The following SLC25A18 variants were observed in gnomAD, a reference collection of about 807,000 sequenced individuals.
SLC25A18 encodes the protein solute carrier family 25 member 18, also known as mitochondrial glutamate carrier 2.
Under a neutral mutation model 31.1 loss-of-function variants are expected in SLC25A18, and 24 were observed. The observed-to-expected ratio is 0.77, with a 90% CI of 0.56 to 1.08. The LOEUF is 1.08. Ranked by LOEUF, SLC25A18 falls within the 50% of genes least tolerant of loss-of-function variation. The pLI is 0.00. For missense variants in SLC25A18, 371 were observed against 418.5 expected (o/e 0.89, Z 0.99); for synonymous variants, 173 against 161.9 (o/e 1.07, Z -0.52).
intron 2 of SLC25A18, among the ~76,000 whole-genome samples, chr22:17,571,553 C>G (rs1430494230): frequency 6.6e-6 from 1 of 152,024 alleles, no homozygotes; most frequent in African/African-American, 2.4e-5. Flanking sequence ...GTGGGCAGAT[C>G]ACTTGAGGCT....
At chr22:17,567,217 G>A (rs555135465) in intron 1 of SLC25A18, among the ~76,000 whole-genome samples, 8 of 152,260 alleles carry the variant, frequency 5.3e-5, no homozygotes, top group South Asian at 2.1e-4. Flanking sequence ...TATGTGCCAG[G>A]CACTGTACTA....
intron 2 of SLC25A18, among the ~76,000 whole-genome samples, chr22:17,575,782 G>A (rs112315565): frequency 0.025 from 3,779 of 152,224 alleles, 139 homozygotes; most frequent in African/African-American, 0.083. Flanking sequence ...GCTATTTCCC[G>A]TGTATCAAAT....
At chr22:17,579,060 GTTTTT>G (rs1352377065) in intron 2 of SLC25A18, among the ~76,000 whole-genome samples, 2 of 122,998 alleles carry the variant, frequency 1.6e-5, no homozygotes, top group African/African-American at 6.1e-5. Flanking sequence ...TCTTAAGTGG[GTTTTT>G]TGTTTGTTTG....
chr22:17,577,402 C>T (rs1055631789), intron 2 of SLC25A18, among the ~76,000 whole-genome samples: 4 of 151,920 alleles, frequency 2.6e-5, no homozygotes, highest in Admixed American at 1.3e-4. Flanking sequence ...AGGTGATCCG[C>T]CCGCCTCAGC....
intron 1 of SLC25A18, among the ~76,000 whole-genome samples, chr22:17,564,590 G>A (rs1170616886): frequency 7.9e-5 from 12 of 152,208 alleles, no homozygotes; most frequent in East Asian, 1.9e-4. Context: ...GCTGGGGCGC[G>A]GTGGCTCACA....
At chr22:17,589,461 C>G (rs1403051920) in intron 9 of SLC25A18, 129 bp from the exon 10 acceptor site, 2 of 723,010 alleles carry the variant, frequency 2.8e-6, no homozygotes, top group Non-Finnish European at 4.7e-6. Flanking sequence ...CAGGCGTGAG[C>G]CACTGCGCCC....
At chr22:17,582,321 C>A (rs934040006) in intron 5 of SLC25A18, 21 of 305,228 alleles carry the variant, frequency 6.9e-5, no homozygotes, top group Admixed American at 1.9e-4. Flanking sequence ...GCTTTCAGTG[C>A]GCCGAGATCG....
chr22:17,586,893 G>A (rs1318725232), intron 7 of SLC25A18, among the ~76,000 whole-genome samples: 1 of 152,246 alleles, frequency 6.6e-6, no homozygotes, highest in Non-Finnish European at 1.5e-5. Context: ...GGGCCAGGCT[G>A]TGGCTGTGCT....
chr22:17,589,993 C>G (rs2057673261), intron 10 of SLC25A18, 102 bp from the exon 11 acceptor site: 2 of 1,484,976 alleles, frequency 1.3e-6, no homozygotes, highest in African/African-American at 1.4e-5. Flanking sequence ...TTGTGGAAGG[C>G]ACTATTCTAA....
At position 17,580,301 on chromosome 22, in the gene SLC25A18, C is replaced by T. The variant is rs1230330629; in HGVS notation, c.20+337C>T. 4 of 264,242 alleles carry T rather than the reference C, an allele frequency of 1.5e-5. No homozygotes were observed. In the South Asian group the frequency reaches 4.4e-4, roughly 29 times the overall value. 16.4% of individuals were successfully genotyped at this position (264,242 alleles called of 1,614,324 possible). A position where few individuals can be genotyped will look rare whatever the true frequency, so the allele number is the denominator to read the frequency against. On this transcript the variant is annotated intron_variant, in intron 3 of 10. Transcript: ENST00000327451. Reference sequence around the variant, plus strand: ...TTACCACTTCCAGGTAAATCCATCTCCAAATATTTTGTTCACAGTCTGCCT... The same window carrying T: ...TTACCACTTCCAGGTAAATCCATCTTCAAATATTTTGTTCACAGTCTGCCT...
At position 17,563,640 on chromosome 22, in the gene SLC25A18, A is replaced by C; in HGVS notation, c.-337A>C. 1.0e-6 allele frequency: 1 copy of C among 984,648 alleles called. No individual in the cohort carries two copies. Among genetic ancestry groups the C allele is most frequent in the Non-Finnish European group, 1.2e-6 (1 of 829,204 alleles). 61.0% of individuals were successfully genotyped at this position (984,648 alleles called of 1,614,324 possible). ...AAGGAACTGAGTAGGCAGTGAGAAG[A>C]GTCGAGTGAAGCCTGGCCCGTGAGT... is the stretch of plus-strand genomic sequence containing the variant. On this transcript the variant is annotated 5_prime_UTR_variant, in exon 1 of 11. Transcript: ENST00000327451.
intron 2 of SLC25A18, among the ~76,000 whole-genome samples, chr22:17,571,900 C>T (rs571975672): frequency 1.3e-5 from 2 of 152,092 alleles, no homozygotes; most frequent in East Asian, 1.9e-4. Flanking sequence ...TGCCTGTAAT[C>T]GCAGCTACTG....
At chr22:17,575,683 C>T (rs1040658553) in intron 2 of SLC25A18, among the ~76,000 whole-genome samples, 3 of 152,324 alleles carry the variant, frequency 2.0e-5, no homozygotes, top group South Asian at 2.1e-4. Flanking sequence ...GCAACTAACC[C>T]GGAATAGCAA....
chr22:17,574,125 T>C (rs1356230575), intron 2 of SLC25A18, among the ~76,000 whole-genome samples: 1 of 152,164 alleles, frequency 6.6e-6, no homozygotes, highest in Non-Finnish European at 1.5e-5. Context: ...TCCCAACTCC[T>C]TGGGAGGCTG....
At chr22:17,578,598 C>T (rs967783268) in intron 2 of SLC25A18, among the ~76,000 whole-genome samples, 3 of 152,168 alleles carry the variant, frequency 2.0e-5, no homozygotes, top group Non-Finnish European at 4.4e-5. Context: ...AGAGAGCGTC[C>T]GGAGAGCTGC....
At chr22:17,565,257 T>C (rs1396871701) in intron 1 of SLC25A18, among the ~76,000 whole-genome samples, 2 of 151,932 alleles carry the variant, frequency 1.3e-5, no homozygotes, top group Non-Finnish European at 2.9e-5. Context: ...ATTTTTTGTA[T>C]TTTTTAGTAG....
chr22:17,570,870 T>A (rs1569177589), intron 2 of SLC25A18, among the ~76,000 whole-genome samples: 1 of 152,196 alleles, frequency 6.6e-6, no homozygotes, highest in South Asian at 2.1e-4. Flanking sequence ...GTGCTGCAAC[T>A]GAATATTCAA....
At chr22:17,583,635 C>A in intron 7 of SLC25A18, 101 bp downstream of exon 7, 1 of 1,464,634 alleles carries the variant, frequency 6.8e-7, no homozygotes, top group Non-Finnish European at 9.1e-7. Flanking sequence ...TGTGACCAGT[C>A]AACTTTCCAA....
chr22:17,573,758 C>T (rs1257361289), intron 2 of SLC25A18, among the ~76,000 whole-genome samples: 2 of 152,178 alleles, frequency 1.3e-5, no homozygotes, highest in East Asian at 3.9e-4. Flanking sequence ...CCTGGACAGT[C>T]ACCAAGGCTC....
Sources: gnomAD v4.1 joint callset for allele counts (sites outside exome capture counted in the v4.1 genomes callset) on GRCh38, gnomAD v4.1.1 for gene constraint, MANE v1.5 for transcripts, NCBI Gene and HGNC (gene_info 2026-07-23, HGNC 2026-07-21) for gene names.